RAB4A: variants seen among roughly 807,000 people sequenced by gnomAD.
The protein encoded by RAB4A is ras-related protein Rab-4A.
A neutral mutation model predicts 34.5 loss-of-function variants in RAB4A; 20 were observed. The observed-to-expected ratio is 0.58, with a 90% CI of 0.41 to 0.84. RAB4A has a LOEUF of 0.84. Among genes scored for constraint, RAB4A ranks in the 40% least tolerant of loss-of-function variants. RAB4A has a pLI of 0.00. For synonymous variants in RAB4A, 102 were observed against 100.0 expected (o/e 1.02, Z -0.12); for missense variants, 228 against 274.5 (o/e 0.83, Z 1.20).
chr1:229,302,300 TATATATA>T (rs1238873016), intron 6 of RAB4A, among the ~76,000 whole-genome samples: 1 of 37,066 alleles, frequency 2.7e-5, no homozygotes, highest in Non-Finnish European at 5.0e-5. Context: ...TATATATATA[TATATATA>T]TATTTTTTTT....
At chr1:229,281,269 C>T (rs891623140) in intron 1 of RAB4A, among the ~76,000 whole-genome samples, 4 of 152,004 alleles carry the variant, frequency 2.6e-5, no homozygotes, top group African/African-American at 4.8e-5. Context: ...GTCTGTTTGG[C>T]CTTTTAATTC....
Position 229,291,150 on chromosome 1 carries a change from G to C in RAB4A, c.227+2307G>C, listed in dbSNP as rs193000204. Among the ~76,000 whole-genome samples, 80 of 152,242 alleles carry C rather than the reference G, an allele frequency of 5.3e-4. 1 individual carries two copies. The highest frequency in any genetic ancestry group is 7.9e-4 in the Non-Finnish European group (54 of 68,008). ...TGGAAGCATTGCCTTCAAAACTCAGGGTGAAATAATTCTTCAACCTAAAAT... is the reference window on the plus strand; with the variant it reads ...TGGAAGCATTGCCTTCAAAACTCAGCGTGAAATAATTCTTCAACCTAAAAT... On this transcript the variant is annotated intron_variant, in intron 3 of 7. Transcript: ENST00000366690.
chr1:229,294,121 C>G (rs1436357201), intron 3 of RAB4A, among the ~76,000 whole-genome samples: 2 of 152,162 alleles, frequency 1.3e-5, no homozygotes, highest in Non-Finnish European at 2.9e-5. Flanking sequence ...CGTGGTGATG[C>G]CTCTTCCTAG....
At chr1:229,283,081 C>T (rs1182206955) in intron 1 of RAB4A, among the ~76,000 whole-genome samples, 1 of 152,150 alleles carries the variant, frequency 6.6e-6, no homozygotes, top group Non-Finnish European at 1.5e-5. Context: ...TTGTTTTCCT[C>T]TCTTGGACAC....
rs1274233573 is a variant in RAB4A at position 229,304,334 on chromosome 1, C to A, written c.*541C>A. ...ACATTCTACATGGTGTTTACGTGATCCACACTTGAAATACTAGATCAGTAG... is the reference window on the plus strand; with the variant it reads ...ACATTCTACATGGTGTTTACGTGATACACACTTGAAATACTAGATCAGTAG... On this transcript the variant is annotated 3_prime_UTR_variant, in exon 8 of 8. Transcript: ENST00000366690. 6.6e-6 allele frequency: 1 copy of A among 152,012 alleles called. No individual in the cohort carries two copies. The highest frequency in any genetic ancestry group is 1.9e-4 in the East Asian group (1 of 5,202). The allele number at this position is 152,012 out of a possible 1,614,324, so 9.4% of individuals were successfully genotyped here. A position where few individuals can be genotyped will look rare whatever the true frequency, so the allele number is the denominator to read the frequency against.
At chr1:229,288,998 A>G (rs1656994778) in intron 3 of RAB4A, 155 bp downstream of exon 3, 3 of 615,186 alleles carry the variant, frequency 4.9e-6, no homozygotes, top group Non-Finnish European at 8.7e-6. Context: ...GATTGACAAG[A>G]CAGCTAAAAT....
intron 3 of RAB4A, among the ~76,000 whole-genome samples, chr1:229,289,738 C>A (rs903221322): frequency 1.3e-5 from 2 of 152,172 alleles, no homozygotes; most frequent in Non-Finnish European, 2.9e-5. Flanking sequence ...ATCGCTTGAA[C>A]CCGGGAGGTG....
chr1:229,300,808 G>A (rs1461544854), intron 6 of RAB4A, among the ~76,000 whole-genome samples: 1 of 152,172 alleles, frequency 6.6e-6, no homozygotes, highest in East Asian at 1.9e-4. Context: ...TGGAAGCAAT[G>A]TGATCGTCCG....
At chr1:229,276,800 C>A (rs1440186049) in intron 1 of RAB4A, among the ~76,000 whole-genome samples, 1 of 150,928 alleles carries the variant, frequency 6.6e-6, no homozygotes, top group East Asian at 1.9e-4. Context: ...AATTGGGTTT[C>A]ATTCCAAAGT....
intron 5 of RAB4A, 109 bp from the exon 6 acceptor site, chr1:229,298,868 T>C: frequency 2.6e-6 from 2 of 761,268 alleles, no homozygotes; most frequent in South Asian, 1.6e-5. Context: ...TTTTAGGTCA[T>C]AAATTATATT....
intron 1 of RAB4A, among the ~76,000 whole-genome samples, 179 bp from the exon 2 acceptor site, chr1:229,286,307 C>T (rs531637898): frequency 1.1e-4 from 16 of 152,270 alleles, no homozygotes; most frequent in African/African-American, 3.9e-4. Context: ...ACATGTCAGC[C>T]AAATATCTTA....
At chr1:229,303,301 G>GT (rs1657466313) in intron 7 of RAB4A, among the ~76,000 whole-genome samples, 2 of 151,938 alleles carry the variant, frequency 1.3e-5, no homozygotes, top group East Asian at 3.9e-4. Context: ...GGAGGTTGCA[G>GT]TAAGCCAAGA....
chr1:229,274,049 CTTTTTTTT>C (rs11339660), intron 1 of RAB4A, among the ~76,000 whole-genome samples: 3 of 86,846 alleles, frequency 3.5e-5, no homozygotes, highest in African/African-American at 4.6e-5. Flanking sequence ...TTTTGTTTCC[CTTTTTTTT>C]TTTTTTTTTT....
rs1558242253 is a variant in RAB4A, at chr1:229,302,283, A to T, written c.542-579A>T. ...TATATATATATATATATATATATAT[A>T]TATATATATATATATATATATATAT... On this transcript the variant is annotated intron_variant, in intron 6 of 7. Transcript: ENST00000366690. Among the ~76,000 whole-genome samples, 5 of 19,910 alleles carry T rather than the reference A, an allele frequency of 2.5e-4. 1 individual carries two copies. Among genetic ancestry groups the T allele is most frequent in the African/African-American group, 8.8e-4 (3 of 3,424 alleles). 13.1% of individuals were successfully genotyped at this position (19,910 alleles called of 152,430 possible). A position where few individuals can be genotyped will look rare whatever the true frequency, so the allele number is the denominator to read the frequency against.
At chr1:229,299,529 A>G (rs237779) in intron 6 of RAB4A, among the ~76,000 whole-genome samples, 34,118 of 152,046 alleles carry the variant, frequency 0.22, 4,113 homozygotes, top group African/African-American at 0.32. Flanking sequence ...GAGTAATTTT[A>G]TTTCTGAAGC....
At chr1:229,293,995 T>A (rs1019575246) in intron 3 of RAB4A, among the ~76,000 whole-genome samples, 2 of 152,026 alleles carry the variant, frequency 1.3e-5, no homozygotes, top group African/African-American at 4.8e-5. Context: ...GACAGCAGCG[T>A]GGGCAGACAC....
At chr1:229,300,898 A>G (rs187720400) in intron 6 of RAB4A, among the ~76,000 whole-genome samples, 38 of 152,316 alleles carry the variant, frequency 2.5e-4, no homozygotes, top group African/African-American at 8.9e-4. Flanking sequence ...ATCTACAAAA[A>G]AGATGAAAAA....
intron 6 of RAB4A, among the ~76,000 whole-genome samples, chr1:229,301,916 A>G (rs534835206): frequency 6.6e-6 from 1 of 151,792 alleles, no homozygotes; most frequent in South Asian, 2.1e-4. Context: ...GTGTGTGTGT[A>G]ATGTGTAATA....
rs1476029093 is a variant in RAB4A, at chr1:229,305,404, A to G, written c.*1611A>G. On this transcript the variant is annotated 3_prime_UTR_variant, in exon 8 of 8. Transcript: ENST00000366690. The stretch of plus-strand genomic sequence containing the variant: ...CAAAAGCAAGAATTTTAAAAATAAG[A>G]TAAATGTAAAGTTGTTTTATAAACG... The G allele has an allele frequency of 3.0e-6, 3 of 998,036 alleles. No individual in the cohort carries two copies. Among genetic ancestry groups the G allele is most frequent in the East Asian group, 2.8e-5 (1 of 35,570 alleles). 61.8% of individuals were successfully genotyped at this position (998,036 alleles called of 1,614,324 possible). A position where few individuals can be genotyped will look rare whatever the true frequency, so the allele number is the denominator to read the frequency against.
Sources: allele counts gnomAD v4.1 joint callset (sites outside exome capture counted in the v4.1 genomes callset), GRCh38; gene constraint gnomAD v4.1.1; transcripts MANE v1.5; gene names NCBI Gene and HGNC (gene_info 2026-07-23, HGNC 2026-07-21).